The following ANKRD50 variants were observed in gnomAD, a reference collection of about 807,000 sequenced individuals.
ANKRD50 encodes the protein ankyrin repeat domain-containing protein 50.
In ANKRD50, 40 loss-of-function variants were observed where a neutral mutation model predicts 112.0. That is an observed-to-expected ratio of 0.36 (90% CI 0.28 to 0.46). The LOEUF (loss-of-function observed/expected upper bound fraction) is 0.46. ANKRD50 is among the 20% of genes least tolerant of loss of function. ANKRD50 has a pLI of 1.00. For synonymous variants in ANKRD50, 613 were observed against 619.1 expected (o/e 0.99, Z 0.15); for missense variants, 1,487 against 1,701.7 (o/e 0.87, Z 2.22).
intron 2 of ANKRD50, 135 bp downstream of exon 2, chr4:124,709,865 A>C: frequency 2.6e-6 from 3 of 1,141,970 alleles, no homozygotes; most frequent in Non-Finnish European, 3.7e-6. Context: ...AAACAGGTAT[A>C]CTCATAACTT....
At chr4:124,700,736 A>C (rs994352982) in intron 2 of ANKRD50, among the ~76,000 whole-genome samples, 3 of 152,216 alleles carry the variant, frequency 2.0e-5, no homozygotes, top group African/African-American at 4.8e-5. Context: ...TTTCTTCTGC[A>C]TCTCTGCTCT....
At chr4:124,702,200 G>C (rs1039363613) in intron 2 of ANKRD50, among the ~76,000 whole-genome samples, 2 of 152,126 alleles carry the variant, frequency 1.3e-5, no homozygotes, top group Non-Finnish European at 2.9e-5. Context: ...AGAGAAATTT[G>C]AATTTGTTAT....
At position 124,702,998 on chromosome 4, in the gene ANKRD50, G is replaced by T. The variant is rs142599915; in HGVS notation, c.512+7002C>A. Among the ~76,000 whole-genome samples the T allele has an allele frequency of 4.8e-3, 723 of 151,928 alleles. 2 individuals are homozygous for T. The highest frequency in any genetic ancestry group is 0.01 in the Middle Eastern group (3 of 294). On this transcript the variant is annotated intron_variant, in intron 2 of 4. Transcript: ENST00000504087. Reference sequence around the variant, plus strand: ...ATGATAAGGCTGTTGATGCAGATTTGATTGCTAATAAGATAGCAATCAAAT... The same window carrying T: ...ATGATAAGGCTGTTGATGCAGATTTTATTGCTAATAAGATAGCAATCAAAT...
rs1017846381 is a variant in ANKRD50 at position 124,711,772 on chromosome 4, A to C, written c.-763-498T>G. 3.2e-4 allele frequency among the ~76,000 whole-genome samples: 49 copies of C among 151,996 alleles called. No individual in the cohort carries two copies. The Middle Eastern group carries it at 0.01, about 32-fold the overall frequency. On this transcript the variant is annotated intron_variant, in intron 1 of 4. Transcript: ENST00000504087. ...ATGGGAAACGGTTTAAAAAAAAAAA[A>C]CAAAAACGATGGGGGATGACTGTTC... is the stretch of plus-strand genomic sequence containing the variant.
intron 2 of ANKRD50, among the ~76,000 whole-genome samples, chr4:124,679,984 C>T (rs1428876274): frequency 6.6e-6 from 1 of 152,152 alleles, no homozygotes; most frequent in Admixed American, 6.5e-5. Flanking sequence ...GACACAATTA[C>T]ACGTGGGCCT....
chr4:124,699,916 T>A (rs1373699037), intron 2 of ANKRD50, among the ~76,000 whole-genome samples: 1 of 152,066 alleles, frequency 6.6e-6, no homozygotes, highest in Admixed American at 6.5e-5. Flanking sequence ...AAGTTCCTAC[T>A]GTATTATAAG....
chr4:124,699,459 A>C (rs188654726), intron 2 of ANKRD50, among the ~76,000 whole-genome samples: 1 of 152,240 alleles, frequency 6.6e-6, no homozygotes, highest in Admixed American at 6.5e-5. Flanking sequence ...TCTAAGCAGC[A>C]ATTTAACCAA....
Position 124,671,636 on chromosome 4 carries a change from T to C in ANKRD50, c.1641A>G (p.Thr547=). 2 of 1,613,918 alleles carry C rather than the reference T, an allele frequency of 1.2e-6. No individual in the cohort carries two copies. The highest frequency in any genetic ancestry group is 1.1e-5 in the South Asian group (1 of 91,086). ...CACTATATGCAGCATTAGCCAATAATGTTCTCCCATTTGAATCACACTGAT... is the reference window on the plus strand; with the variant it reads ...CACTATATGCAGCATTAGCCAATAACGTTCTCCCATTTGAATCACACTGAT... ...SVNQCDSNGR[T]LLANAAYSGS... is the part of the protein sequence containing the mutation. The change falls in exon 4 of 5, where the codon ACA becomes ACG. Residue 547 remains threonine (T), a synonymous_variant. Coordinates refer to ENST00000504087, the MANE Select transcript of ANKRD50 (RefSeq NM_020337.3).
intron 4 of ANKRD50, among the ~76,000 whole-genome samples, chr4:124,668,254 A>G (rs144466198): frequency 6.6e-6 from 1 of 152,196 alleles, no homozygotes; most frequent in Non-Finnish European, 1.5e-5. Flanking sequence ...TTATCCAGGT[A>G]TAAAGTGCCC....
chr4:124,672,695 T>G (rs1169853554), intron 3 of ANKRD50, among the ~76,000 whole-genome samples, 161 bp from the exon 4 acceptor site: 1 of 152,090 alleles, frequency 6.6e-6, no homozygotes, highest in Non-Finnish European at 1.5e-5. Flanking sequence ...CAGTTTTCTT[T>G]TCTTTCTGCA....
intron 3 of ANKRD50, among the ~76,000 whole-genome samples, chr4:124,676,929 C>T (rs952369270): frequency 6.6e-6 from 1 of 151,526 alleles, no homozygotes; most frequent in South Asian, 2.1e-4. Context: ...AAGGGTTCAA[C>T]AGTAAACAAG....
intron 4 of ANKRD50, among the ~76,000 whole-genome samples, chr4:124,668,376 TCTA>T (rs371680621): frequency 2.6e-5 from 4 of 152,046 alleles, no homozygotes; most frequent in African/African-American, 9.7e-5. Context: ...AAAACTACCT[TCTA>T]CTAAGTTTTT....
At chr4:124,701,050 C>T (rs778543620) in intron 2 of ANKRD50, among the ~76,000 whole-genome samples, 4 of 152,104 alleles carry the variant, frequency 2.6e-5, no homozygotes, top group African/African-American at 4.8e-5. Context: ...CTGCAACCTT[C>T]GCTTCCCGGT....
At chr4:124,696,717 TAA>T (rs1242435500) in intron 2 of ANKRD50, among the ~76,000 whole-genome samples, 1 of 152,202 alleles carries the variant, frequency 6.6e-6, no homozygotes, top group African/African-American at 2.4e-5. Context: ...ACAATGCCAT[TAA>T]GTTTTTTTGT....
rs751530274 is a variant in ANKRD50, at chr4:124,670,784, A to T, written c.2493T>A (p.Arg831=). Residue 831 remains arginine, a synonymous_variant, in exon 4 of 5, where the codon CGT becomes CGA. Coordinates refer to ENST00000504087, the MANE Select transcript of ANKRD50 (RefSeq NM_020337.3). The part of the protein sequence containing the change: ...ASAQGNVEVV[R]TLLDRGLDEN... ...CATCTAACCCTCTATCCAGTAGAGTACGTACCACCTCAACATTTCCTTGTG... is the reference window on the plus strand; with the variant it reads ...CATCTAACCCTCTATCCAGTAGAGTTCGTACCACCTCAACATTTCCTTGTG... 6.2e-7 allele frequency: 1 copy of T among 1,613,928 alleles called. No individual in the cohort carries two copies. The highest frequency in any genetic ancestry group is 8.5e-7 in the Non-Finnish European group (1 of 1,179,882).
At position 124,678,804 on chromosome 4, in the gene ANKRD50, T is replaced by A. The variant is rs1408279775; in HGVS notation, c.614A>T (p.Gln205Leu). The change falls in exon 3 of 5, where the codon CAA (glutamine) becomes CTA (leucine). Residue 205 changes from glutamine (Q) to leucine (L), a missense_variant. Around this residue, in one of 2 missense-constraint regions of ANKRD50, gnomAD observed 1,046 missense variants for 1,269.5 expected, o/e 0.82. Coordinates refer to ENST00000504087, the MANE Select transcript of ANKRD50 (RefSeq NM_020337.3). ...AGTCCCAGATAAGCTGGTAGACGTT[T>A]GTTCACCTTCAGTAATGTTACACCC... Reference protein sequence around the residue: ...DEGCNITEGEQTSTSLSGTVA... With the variant: ...DEGCNITEGELTSTSLSGTVA... 6.2e-7 allele frequency: 1 copy of A among 1,613,750 alleles called. No individual in the cohort carries two copies. Among genetic ancestry groups the A allele is most frequent in the Non-Finnish European group, 8.5e-7 (1 of 1,179,820 alleles).
Position 124,710,518 on chromosome 4 carries a change from T to G in ANKRD50, c.-7A>C, listed in dbSNP as rs1725606438. On this transcript the variant is annotated 5_prime_UTR_variant, in exon 2 of 5. Transcript: ENST00000504087. The stretch of plus-strand genomic sequence containing the variant: ...CTTCCCAAGGATTAGTCATAACGGG[T>G]TTTTTATCTTCATTTGCTAGAGTCT... 1 of 1,603,114 alleles carries G rather than the reference T, an allele frequency of 6.2e-7. No individual in the cohort carries two copies. The highest frequency in any genetic ancestry group is 8.5e-7 in the Non-Finnish European group (1 of 1,177,072).
chr4:124,694,791 A>G (rs1418408511), intron 2 of ANKRD50, among the ~76,000 whole-genome samples: 2 of 152,144 alleles, frequency 1.3e-5, no homozygotes, highest in Admixed American at 6.5e-5. Context: ...CTCATTCAAG[A>G]TCATACTGGG....
intron 3 of ANKRD50, among the ~76,000 whole-genome samples, chr4:124,673,039 C>T (rs1299704548): frequency 2.0e-4 from 30 of 152,050 alleles, no homozygotes. Context: ...CAGTCATTGT[C>T]TTTAAACTAC....
Sources: gnomAD v4.1 joint callset for allele counts (sites outside exome capture counted in the v4.1 genomes callset) on GRCh38, gnomAD v4.1.1 for gene constraint, gnomAD v4.1.1 regional missense constraint, MANE v1.5 for transcripts, NCBI Gene and HGNC (gene_info 2026-07-23, HGNC 2026-07-21) for gene names.